SEMA6D: variants seen among roughly 807,000 people sequenced by gnomAD.
The protein encoded by SEMA6D is semaphorin 6D.
A neutral mutation model predicts 106.6 loss-of-function variants in SEMA6D; 35 were observed. The ratio of observed to expected loss-of-function variants is 0.33; its 90% CI spans 0.25 to 0.44. SEMA6D has a LOEUF of 0.44. SEMA6D is among the 20% of genes least tolerant of loss of function. SEMA6D has a pLI of 1.00. For missense variants in SEMA6D, 1,185 were observed against 1,345.9 expected (o/e 0.88, Z 1.87); for synonymous variants, 499 against 487.7 (o/e 1.02, Z -0.31).
At chr15:47,466,782 A>G (rs1046773269) in intron 2 of SEMA6D, among the ~76,000 whole-genome samples, 2 of 146,996 alleles carry the variant, frequency 1.4e-5, no homozygotes, top group African/African-American at 5.1e-5. Context: ...TCACCAGCTT[A>G]GAGGAGTGAT....
chr15:47,645,216 G>A (rs917495677), intron 4 of SEMA6D, among the ~76,000 whole-genome samples: 26 of 152,134 alleles, frequency 1.7e-4, no homozygotes, highest in Admixed American at 2.6e-4. Flanking sequence ...GTCCCTTATT[G>A]GAAACATCTT....
intron 4 of SEMA6D, among the ~76,000 whole-genome samples, chr15:47,634,160 C>T (rs760302556): frequency 1.3e-5 from 2 of 152,142 alleles, no homozygotes; most frequent in South Asian, 2.1e-4. Context: ...AAGGCTAGAT[C>T]GGTGTGTATG....
intron 1 of SEMA6D, among the ~76,000 whole-genome samples, chr15:47,376,508 T>C (rs561657306): frequency 1.3e-5 from 2 of 152,368 alleles, no homozygotes; most frequent in East Asian, 3.9e-4. Context: ...TTATAACTTG[T>C]GTTCAGCTTT....
intron 1 of SEMA6D, among the ~76,000 whole-genome samples, chr15:47,302,306 G>A (rs539969031): frequency 8.5e-5 from 13 of 152,112 alleles, no homozygotes; most frequent in Non-Finnish European, 1.2e-4. Context: ...TTGTCCATAT[G>A]TAAGCCCTTT....
chr15:47,587,559 A>T (rs529446870), intron 3 of SEMA6D, among the ~76,000 whole-genome samples: 1 of 152,338 alleles, frequency 6.6e-6, no homozygotes, highest in Admixed American at 6.5e-5. Context: ...TTCTGCCTTC[A>T]GTGATCCGAA....
chr15:47,543,812 A>C (rs1656631), intron 3 of SEMA6D, among the ~76,000 whole-genome samples: 52,764 of 151,834 alleles, frequency 0.35, 10,066 homozygotes, highest in East Asian at 0.75. Context: ...TGCTAAATTG[A>C]TTCTGGGTAC....
At chr15:47,670,965 G>C (rs945159530) in intron 4 of SEMA6D, among the ~76,000 whole-genome samples, 1 of 152,138 alleles carries the variant, frequency 6.6e-6, no homozygotes, top group African/African-American at 2.4e-5. Context: ...TGATATTGTT[G>C]AGATGATAGC....
chr15:47,547,777 T>G (rs574026497), intron 3 of SEMA6D, among the ~76,000 whole-genome samples: 2 of 152,248 alleles, frequency 1.3e-5, no homozygotes, highest in South Asian at 2.1e-4. Context: ...TAAAAATGTA[T>G]GTCTAAAGCA....
intron 1 of SEMA6D, among the ~76,000 whole-genome samples, chr15:47,305,812 C>G (rs2036209035): frequency 6.6e-6 from 1 of 152,138 alleles, no homozygotes; most frequent in African/African-American, 2.4e-5. Context: ...AGCAAGGCAG[C>G]CAAGATAAGT....
chr15:47,440,728 G>A (rs2041857285), intron 2 of SEMA6D, among the ~76,000 whole-genome samples: 1 of 152,038 alleles, frequency 6.6e-6, no homozygotes, highest in African/African-American at 2.4e-5. Context: ...AGAGGATTTT[G>A]TGTTGGTCAA....
chr15:47,440,207 A>G (rs866899876), intron 2 of SEMA6D, among the ~76,000 whole-genome samples: 1 of 152,210 alleles, frequency 6.6e-6, no homozygotes, highest in African/African-American at 2.4e-5. Flanking sequence ...AGAGAAATAC[A>G]GGGACTTGGC....
chr15:47,449,411 C>T (rs1031013296), intron 2 of SEMA6D, among the ~76,000 whole-genome samples: 5 of 152,022 alleles, frequency 3.3e-5, no homozygotes, highest in African/African-American at 1.2e-4. Flanking sequence ...GAAGGGGTTA[C>T]AGGAACCTAG....
intron 1 of SEMA6D, among the ~76,000 whole-genome samples, chr15:47,322,778 G>A (rs1326575991): frequency 6.6e-6 from 1 of 152,172 alleles, no homozygotes; most frequent in East Asian, 1.9e-4. Context: ...GATGTTGCCA[G>A]CAACTGTGAT....
At chr15:47,499,748 G>A (rs2043785954) in intron 3 of SEMA6D, among the ~76,000 whole-genome samples, 1 of 152,092 alleles carries the variant, frequency 6.6e-6, no homozygotes, top group Admixed American at 6.6e-5. Flanking sequence ...TATCTGGAGG[G>A]CTTGAAATTG....
chr15:47,488,882 T>C (rs2043378618), intron 3 of SEMA6D, among the ~76,000 whole-genome samples: 1 of 152,294 alleles, frequency 6.6e-6, no homozygotes, highest in Middle Eastern at 3.4e-3. Flanking sequence ...ATTCATATTT[T>C]ACCCTAAAAC....
At position 47,224,673 on chromosome 15, in the gene SEMA6D, T is replaced by C. The variant is rs1471544515; in HGVS notation, c.-239+40255T>C. Among the ~76,000 whole-genome samples the C allele has an allele frequency of 1.3e-5, 2 of 152,084 alleles. 1 individual carries two copies. The highest frequency in any genetic ancestry group is 1.3e-4 in the Admixed American group (2 of 15,226). On this transcript the variant is annotated intron_variant, in intron 1 of 19. Transcript: ENST00000558014. ...TCACACGGTAGATGCTCAATAAATATTTGTTGAATAAATGACTATGAAAGA... is the reference window on the plus strand; with the variant it reads ...TCACACGGTAGATGCTCAATAAATACTTGTTGAATAAATGACTATGAAAGA...
At chr15:47,378,549 T>C (rs865830025) in intron 1 of SEMA6D, among the ~76,000 whole-genome samples, 26 of 152,186 alleles carry the variant, frequency 1.7e-4, no homozygotes, top group Non-Finnish European at 2.1e-4. Flanking sequence ...TCAAACTTGA[T>C]GACCACTTCA....
At chr15:47,242,173 T>C (rs74889021) in intron 1 of SEMA6D, among the ~76,000 whole-genome samples, 1,777 of 152,254 alleles carry the variant, frequency 0.012, 32 homozygotes, top group Admixed American at 0.012. Context: ...AGGGGCTATA[T>C]CAGATTAGGT....
intron 4 of SEMA6D, among the ~76,000 whole-genome samples, chr15:47,662,782 C>T (rs972249988): frequency 1.3e-5 from 2 of 151,172 alleles, no homozygotes; most frequent in Non-Finnish European, 2.9e-5. Flanking sequence ...GGCATTTCAC[C>T]TAGATTGAGG....
Sources: allele counts gnomAD v4.1 joint callset (sites outside exome capture counted in the v4.1 genomes callset), GRCh38; gene constraint gnomAD v4.1.1; transcripts MANE v1.5; gene names NCBI Gene and HGNC (gene_info 2026-07-23, HGNC 2026-07-21).